ACSL5: variants seen among roughly 807,000 people sequenced by gnomAD.
ACSL5 encodes long-chain-fatty-acid--CoA ligase 5.
Under a neutral mutation model 84.9 loss-of-function variants are expected in ACSL5, and 50 were observed. That is an observed-to-expected ratio of 0.59 (90% CI 0.47 to 0.75). The LOEUF (loss-of-function observed/expected upper bound fraction) is 0.75. ACSL5 is among the 30% of genes least tolerant of loss of function. ACSL5 has a pLI of 0.00. For synonymous variants in ACSL5, 280 were observed against 300.7 expected, an observed-to-expected ratio of 0.93 and a Z score of 0.71; for missense variants, 775 against 830.4, an observed-to-expected ratio of 0.93 and a Z score of 0.82.
chr10:112,426,188 A>G, intron 18 of ACSL5, 70 bp from the exon 19 acceptor site: 1 of 1,227,274 alleles, frequency 8.1e-7, no homozygotes, highest in Non-Finnish European at 1.2e-6. Flanking sequence ...ATTCTGCTTT[A>G]TTTAACTACT....
At chr10:112,396,271 T>C (rs1843744284) in intron 2 of ACSL5, 1 of 152,204 alleles carries the variant, frequency 6.6e-6, no homozygotes, top group Non-Finnish European at 1.5e-5. Flanking sequence ...CTCTTCATAA[T>C]AGGGTTTTAT....
In ACSL5 at chr10:112,427,492, G is replaced by C; in HGVS notation, c.*134G>C. ...GTTAAACTCTAAAGCCATAGCTTTTGTTTTATATTGAGACATATAATGTGT... is the reference window on the plus strand; with the variant it reads ...GTTAAACTCTAAAGCCATAGCTTTTCTTTTATATTGAGACATATAATGTGT... On this transcript the variant is annotated 3_prime_UTR_variant, in exon 21 of 21. Coordinates refer to ENST00000354655, the MANE Select transcript of ACSL5 (RefSeq NM_203379.2). 3 of 781,012 alleles carry C rather than the reference G, an allele frequency of 3.8e-6. No homozygotes were observed. The highest frequency in any genetic ancestry group is 5.7e-6 in the Non-Finnish European group (3 of 523,848). 48.4% of individuals were successfully genotyped at this position (781,012 alleles called of 1,614,324 possible).
chr10:112,413,323 T>C lies in ACSL5; in HGVS notation c.1083+16T>C. 1 of 1,613,800 alleles carries C rather than the reference T, an allele frequency of 6.2e-7. No homozygotes were observed. The highest frequency in any genetic ancestry group is 1.3e-5 in the African/African-American group (1 of 75,038). On this transcript the variant is annotated intron_variant, in intron 12 of 20. Transcript: ENST00000354655. ...CTACGATAAGGTACTAACTTTCAGC[T>C]GAAGGGACTGTCTGTGACTTGGGCC... is the stretch of plus-strand genomic sequence containing the variant.
At chr10:112,399,668 T>C (rs1477308961) in intron 3 of ACSL5, among the ~76,000 whole-genome samples, 1 of 152,256 alleles carries the variant, frequency 6.6e-6, no homozygotes, top group East Asian at 1.9e-4. Context: ...TTCTGTGCCT[T>C]TGGTCTTTTG....
At chr10:112,397,330 C>CAGCTAATT (rs544282760) in intron 2 of ACSL5, among the ~76,000 whole-genome samples, 148 of 152,152 alleles carry the variant, frequency 9.7e-4, no homozygotes, top group Non-Finnish European at 1.8e-3. Context: ...CCACCACACC[C>CAGCTAATT]AGCTAATTTT....
chr10:112,417,112 G>A (rs1314424491), intron 13 of ACSL5, 90 bp downstream of exon 13: 62 of 1,429,660 alleles, frequency 4.3e-5, no homozygotes, highest in Non-Finnish European at 5.3e-5. Context: ...CTGCTTGAGC[G>A]TCACTTTAAC....
At chr10:112,413,371 CTAT>C in intron 12 of ACSL5, 64 bp downstream of exon 12, 2 of 1,576,014 alleles carry the variant, frequency 1.3e-6, no homozygotes, top group African/African-American at 1.3e-5. Context: ...CTCTGTACTA[CTAT>C]GAGATTTACT....
chr10:112,402,146 T>C (rs1843927298), intron 3 of ACSL5, among the ~76,000 whole-genome samples: 1 of 152,024 alleles, frequency 6.6e-6, no homozygotes, highest in South Asian at 2.1e-4. Context: ...TTTTATATTT[T>C]TTATAGAGAT....
At chr10:112,410,408 C>A in intron 7 of ACSL5, 55 bp from the exon 8 acceptor site, 3 of 1,611,614 alleles carry the variant, frequency 1.9e-6, no homozygotes, top group South Asian at 2.2e-5. Context: ...CCACATTTAT[C>A]ACAGTCTGTC....
chr10:112,426,176 T>G (rs908653277), intron 18 of ACSL5, 82 bp from the exon 19 acceptor site: 1 of 1,087,154 alleles, frequency 9.2e-7, no homozygotes, highest in Non-Finnish European at 1.4e-6. Flanking sequence ...TACAATGACA[T>G]AATTCTGCTT....
At chr10:112,386,563 T>C (rs1217143508) in intron 1 of ACSL5, among the ~76,000 whole-genome samples, 1 of 152,182 alleles carries the variant, frequency 6.6e-6, no homozygotes, top group East Asian at 1.9e-4. Flanking sequence ...ACCTACCCAA[T>C]TCCTGCTATT....
intron 5 of ACSL5, 87 bp downstream of exon 5, chr10:112,404,893 C>A: frequency 8.9e-7 from 1 of 1,128,252 alleles, no homozygotes; most frequent in Non-Finnish European, 1.3e-6. Context: ...CATTCCAACA[C>A]TTGTTAATGC....
rs150271597 is a variant in ACSL5, at chr10:112,381,441, G to C, written c.-30+7172G>C. ...CCAGCACTTTGGGAGGCCAAGGCAG[G>C]TAGATCACTTGAAGTCAGAGTTCGA... On this transcript the variant is annotated intron_variant, in intron 1 of 20. Transcript: ENST00000354655. 4.5e-3 allele frequency among the ~76,000 whole-genome samples: 679 copies of C among 152,248 alleles called. 6 individuals carry two copies. Among genetic ancestry groups the C allele is most frequent in the African/African-American group, 0.016 (657 of 41,534 alleles).
At chr10:112,402,936 C>T (rs749843973) in intron 3 of ACSL5, among the ~76,000 whole-genome samples, 10 of 152,214 alleles carry the variant, frequency 6.6e-5, no homozygotes, top group Non-Finnish European at 1.3e-4. Context: ...GCTTTAAAAG[C>T]TGAGATGCCA....
intron 1 of ACSL5, among the ~76,000 whole-genome samples, chr10:112,392,415 T>C (rs1843663266): frequency 1.7e-5 from 2 of 117,264 alleles, no homozygotes; most frequent in Non-Finnish European, 2.0e-5. Context: ...GAAACCAGCC[T>C]GGGCAGCATG....
intron 1 of ACSL5, among the ~76,000 whole-genome samples, chr10:112,385,176 C>G (rs1012274537): frequency 4.6e-5 from 7 of 152,328 alleles, no homozygotes; most frequent in Admixed American, 4.6e-4. Context: ...TCCATTAACT[C>G]TTTTAATCAT....
chr10:112,422,243 G>T, intron 16 of ACSL5, 82 bp from the exon 17 acceptor site: 2 of 1,222,732 alleles, frequency 1.6e-6, no homozygotes, highest in South Asian at 1.3e-5. Context: ...AATGATTTAA[G>T]GGGAGCAGGT....
At chr10:112,399,694 G>A (rs10885343) in intron 3 of ACSL5, among the ~76,000 whole-genome samples, 70,886 of 152,044 alleles carry the variant, frequency 0.47, 17,144 homozygotes, top group South Asian at 0.58. Context: ...CATTCTGGCC[G>A]TGTAACTTTT....
intron 14 of ACSL5, among the ~76,000 whole-genome samples, chr10:112,420,711 CTTTTTTTTCTTTTT>C (rs1333754228): frequency 1.3e-5 from 2 of 151,548 alleles, no homozygotes; most frequent in Non-Finnish European, 2.9e-5. Flanking sequence ...ATTTTCTTTT[CTTTTTTTTCTTTTT>C]TTTTTCTTTT....
Sources: gnomAD v4.1 joint callset for allele counts (sites outside exome capture counted in the v4.1 genomes callset) on GRCh38, gnomAD v4.1.1 for gene constraint, MANE v1.5 for transcripts, NCBI Gene and HGNC (gene_info 2026-07-23, HGNC 2026-07-21) for gene names.